The following ZPLD1 variants were observed in gnomAD, a reference collection of about 807,000 sequenced individuals.
The protein encoded by ZPLD1 is zona pellucida like domain containing 1, also known as zona pellucida-like domain-containing protein 1.
Under a neutral mutation model 47.2 loss-of-function variants are expected in ZPLD1, and 34 were observed. The ratio of observed to expected loss-of-function variants is 0.72; its 90% CI spans 0.55 to 0.96. The LOEUF (loss-of-function observed/expected upper bound fraction) is 0.96. ZPLD1 is among the 40% of genes least tolerant of loss of function. The probability of loss-of-function intolerance (pLI) is 0.00; values close to 1 mark genes in which losing one functional copy is unlikely to be tolerated. For missense variants in ZPLD1, 512 were observed against 505.8 expected, an observed-to-expected ratio of 1.01 and a Z score of -0.12; for synonymous variants, 176 against 186.2, an observed-to-expected ratio of 0.95 and a Z score of 0.45.
At chr3:102,466,342 T>C (rs1707592764) in intron 8 of ZPLD1, among the ~76,000 whole-genome samples, 1 of 152,100 alleles carries the variant, frequency 6.6e-6, no homozygotes, top group South Asian at 2.1e-4. Flanking sequence ...AAATTTTAGG[T>C]TTAGGGAAAT....
intron 7 of ZPLD1, among the ~76,000 whole-genome samples, chr3:102,412,202 C>G (rs939868104): frequency 4.6e-5 from 7 of 151,710 alleles, no homozygotes; most frequent in Admixed American, 4.6e-4. Context: ...ATCTAAAAAC[C>G]ATCTTCATAG....
intron 7 of ZPLD1, among the ~76,000 whole-genome samples, chr3:102,415,681 A>G (rs1576133147): frequency 2.0e-5 from 3 of 151,902 alleles, no homozygotes; most frequent in African/African-American, 4.8e-5. Flanking sequence ...TAATTCTCCC[A>G]TAAGCAAGAT....
At chr3:102,392,538 C>T (rs952481246) in intron 7 of ZPLD1, among the ~76,000 whole-genome samples, 13 of 148,278 alleles carry the variant, frequency 8.8e-5, no homozygotes, top group South Asian at 2.1e-4. Flanking sequence ...CTTCCTTCCT[C>T]CCTCCCTCCC....
intron 8 of ZPLD1, among the ~76,000 whole-genome samples, chr3:102,421,095 A>G (rs1179069723): frequency 6.6e-6 from 1 of 151,934 alleles, no homozygotes; most frequent in Non-Finnish European, 1.5e-5. Context: ...TCTTGAATCT[A>G]AAATTTAACC....
chr3:102,420,466 A>G (rs1365364083), intron 8 of ZPLD1, among the ~76,000 whole-genome samples: 2 of 151,942 alleles, frequency 1.3e-5, no homozygotes, highest in African/African-American at 4.8e-5. Context: ...TAATTACTAA[A>G]ATACGTCACT....
rs532985205 is a variant in ZPLD1, at chr3:102,449,754, T to A, written c.107-3165T>A. On this transcript the variant is annotated intron_variant, in intron 3 of 11. Coordinates refer to ENST00000466937, the MANE Select transcript of ZPLD1 (RefSeq NM_001329788.2). ...CTAATTTAAAAAATCAACTTTATCA[T>A]AGGCATGTATATATAGGAAAGAACA... Among the ~76,000 whole-genome samples the A allele has an allele frequency of 8.3e-4, 126 of 152,298 alleles. 2 individuals carry two copies. The South Asian group carries it at 0.025, about 30-fold the overall frequency.
chr3:102,409,491 T>C (rs539647250), intron 7 of ZPLD1, among the ~76,000 whole-genome samples: 2 of 151,936 alleles, frequency 1.3e-5, no homozygotes, highest in South Asian at 2.1e-4. Flanking sequence ...ATATTTCCTG[T>C]GTAATGTAGG....
At chr3:102,450,050 C>T (rs1041775158) in intron 3 of ZPLD1, among the ~76,000 whole-genome samples, 6 of 152,060 alleles carry the variant, frequency 3.9e-5, no homozygotes, top group Non-Finnish European at 7.4e-5. Flanking sequence ...TAAGGCAATA[C>T]GACAGCATAA....
At chr3:102,413,501 G>A in intron 7 of ZPLD1, among the ~76,000 whole-genome samples, 1 of 151,652 alleles carries the variant, frequency 6.6e-6, no homozygotes. Flanking sequence ...ATGGACAATG[G>A]TTTTATAAAA....
At chr3:102,454,866 A>AC (rs937108248) in intron 4 of ZPLD1, among the ~76,000 whole-genome samples, 2 of 152,244 alleles carry the variant, frequency 1.3e-5, no homozygotes, top group Non-Finnish European at 2.9e-5. Context: ...ACACACACAC[A>AC]AAAAATTGCT....
At chr3:102,405,112 T>C (rs79639860) in intron 7 of ZPLD1, among the ~76,000 whole-genome samples, 1,904 of 151,980 alleles carry the variant, frequency 0.013, 39 homozygotes, top group African/African-American at 0.043. Flanking sequence ...TAAAGTGGAG[T>C]AGAGTCATGA....
chr3:102,438,780 T>G (rs575787856), intron 3 of ZPLD1, among the ~76,000 whole-genome samples, 187 bp downstream of exon 3: 27 of 152,298 alleles, frequency 1.8e-4, no homozygotes, highest in African/African-American at 6.5e-4. Flanking sequence ...ATACAAAGTG[T>G]TCATCATAGT....
chr3:102,469,068 T>C lies in ZPLD1; in HGVS notation c.866T>C (p.Met289Thr). 1.2e-6 allele frequency: 2 copies of C among 1,614,158 alleles called. No homozygotes were observed. Among genetic ancestry groups the C allele is most frequent in the Non-Finnish European group, 1.7e-6 (2 of 1,180,010 alleles). Residue 289 changes from methionine (M) to threonine (T), a missense_variant, in exon 9 of 12, where the codon ATG (methionine) becomes ACG (threonine). Coordinates refer to ENST00000466937, the MANE Select transcript of ZPLD1 (RefSeq NM_001329788.2). ...TTTGTGAAACACAAGAATCAGAAAA[T>C]GTCCACTGTCTTCTTGCACTGCGTT... ...FRFVKHKNQK[M>T]STVFLHCVTK...
At chr3:102,451,938 T>G (rs1380971411) in intron 3 of ZPLD1, among the ~76,000 whole-genome samples, 1 of 152,158 alleles carries the variant, frequency 6.6e-6, no homozygotes, top group Non-Finnish European at 1.5e-5. Context: ...TACTGAGGGT[T>G]AGGGCTTCAG....
At chr3:102,477,357 A>T in intron 11 of ZPLD1, 86 bp from the exon 12 acceptor site, 1 of 1,340,588 alleles carries the variant, frequency 7.5e-7, no homozygotes, top group Non-Finnish European at 1.0e-6. Context: ...GATGCTGATG[A>T]AAGATGTTTT....
intron 6 of ZPLD1, among the ~76,000 whole-genome samples, chr3:102,389,368 G>A (rs1268314691): frequency 6.6e-6 from 1 of 152,078 alleles, no homozygotes; most frequent in Non-Finnish European, 1.5e-5. Flanking sequence ...CTTAGTGGGA[G>A]GGCTTTAAGT....
In ZPLD1 at chr3:102,452,970, T is replaced by C. The variant is rs773962768; in HGVS notation, c.158T>C (p.Ile53Thr). 7.4e-6 allele frequency: 12 copies of C among 1,614,114 alleles called. No homozygotes were observed. The highest frequency in any genetic ancestry group is 9.3e-6 in the Non-Finnish European group (11 of 1,179,952). ...YCGVQAITMKINFCTVLFSGY... is the reference protein window; with the variant it reads ...YCGVQAITMKTNFCTVLFSGY... ...GGAGTGCAGGCTATTACGATGAAGATTAATTTTTGCACGGTACTTTTCTCG... is the reference window on the plus strand; with the variant it reads ...GGAGTGCAGGCTATTACGATGAAGACTAATTTTTGCACGGTACTTTTCTCG... The change falls in exon 4 of 12, where the codon ATT becomes ACT. Residue 53 changes from isoleucine to threonine, a missense_variant. Coordinates refer to ENST00000466937, the MANE Select transcript of ZPLD1 (RefSeq NM_001329788.2).
intron 7 of ZPLD1, among the ~76,000 whole-genome samples, chr3:102,395,883 T>C (rs1706551271): frequency 6.6e-6 from 1 of 152,184 alleles, no homozygotes; most frequent in Admixed American, 6.5e-5. Context: ...GGAGCTCAAG[T>C]TTCCTTTACA....
chr3:102,404,312 A>C (rs1314810243), intron 7 of ZPLD1, among the ~76,000 whole-genome samples: 2 of 151,958 alleles, frequency 1.3e-5, no homozygotes, highest in African/African-American at 2.4e-5. Context: ...GGGTAAACAC[A>C]ACAAGAAAAT....
Sources: allele counts gnomAD v4.1 joint callset (sites outside exome capture counted in the v4.1 genomes callset), GRCh38; gene constraint gnomAD v4.1.1; transcripts MANE v1.5; gene names NCBI Gene and HGNC (gene_info 2026-07-23, HGNC 2026-07-21).